The following LAMA5 variants were observed in gnomAD, a reference collection of about 807,000 sequenced individuals.
The protein encoded by LAMA5 is laminin subunit alpha-5.
LAMA5 carries 260 observed loss-of-function variants against 433.4 expected under a neutral mutation model. The observed-to-expected ratio is 0.60, with a 90% CI of 0.54 to 0.66. The LOEUF is 0.66. LAMA5 is among the 30% of genes least tolerant of loss of function. The probability of loss-of-function intolerance (pLI) is 0.00; values close to 1 mark genes in which losing one functional copy is unlikely to be tolerated. For synonymous variants in LAMA5, 2,620 were observed against 2,226.6 expected, an observed-to-expected ratio of 1.18 and a Z score of -4.97; for missense variants, 5,378 against 5,258.5, an observed-to-expected ratio of 1.02 and a Z score of -0.70.
chr20:62,314,915 G>C lies in LAMA5; in HGVS notation c.8080C>G (p.Leu2694Val). ...STLEKTLPQL[L>V]AKLSILENRG... ...TTCTCCAGGATGCTCAGCTTGGCCAGCAGCTGGGGCAGCGTCTTCTCCAGG... is the reference window on the plus strand; with the variant it reads ...TTCTCCAGGATGCTCAGCTTGGCCACCAGCTGGGGCAGCGTCTTCTCCAGG... The change falls in exon 60 of 80, where the codon CTG (leucine) becomes GTG (valine). Residue 2694 changes from leucine (L) to valine (V), a missense_variant. By Grantham distance (32) the Leu-to-Val change is conservative. Coordinates refer to ENST00000252999, the MANE Select transcript of LAMA5 (RefSeq NM_005560.6). 6.2e-7 allele frequency: 1 copy of C among 1,606,720 alleles called. No individual in the cohort carries two copies. The highest frequency in any genetic ancestry group is 8.5e-7 in the Non-Finnish European group (1 of 1,178,654).
intron 11 of LAMA5, among the ~76,000 whole-genome samples, chr20:62,344,596 G>A (rs6142736): frequency 0.23 from 35,160 of 151,824 alleles, 4,251 homozygotes; most frequent in African/African-American, 0.28. Context: ...TTACAGGCAC[G>A]CACCACCACG....
chr20:62,312,790 C>T lies in LAMA5; in HGVS notation c.9079-10G>A, dbSNP rs1986458024. ...GCAGGAACACCTGGATCTACAGGAC[C>T]AGTGGGGGCTCCAGGGCCAGCTGTG... On this transcript the variant is annotated splice_polypyrimidine_tract_variant and intron_variant, in intron 66 of 79. Transcript: ENST00000252999. 1 of 1,594,096 alleles carries T rather than the reference C, an allele frequency of 6.3e-7. No individual in the cohort carries two copies.
chr20:62,334,730 G>GTCAGCGC, intron 20 of LAMA5, 109 bp from the exon 21 acceptor site: 1 of 610,802 alleles, frequency 1.6e-6, no homozygotes, highest in South Asian at 2.0e-5. Context: ...ATGATGGAGA[G>GTCAGCGC]TCAGGGCTCA....
intron 11 of LAMA5, 168 bp downstream of exon 11, chr20:62,345,650 A>G (rs1321458959): frequency 1.6e-6 from 1 of 641,948 alleles, no homozygotes; most frequent in Non-Finnish European, 2.8e-6. Context: ...ATGCTGACCT[A>G]TATTTCCGAA....
Position 62,333,614 on chromosome 20 carries a change from G to C in LAMA5, c.2971C>G (p.Leu991Val). The C allele has an allele frequency of 1.3e-6, 2 of 1,577,692 alleles. No homozygotes were observed. Among genetic ancestry groups the C allele is most frequent in the Non-Finnish European group, 1.7e-6 (2 of 1,162,356 alleles). The change falls in exon 24 of 80, where the codon CTG becomes GTG. Residue 991 changes from leucine (L) to valine (V), a missense_variant. Transcript: ENST00000252999. ...PQRGFGEPFVLNPGTWALRVE... is the reference protein window; with the variant it reads ...PQRGFGEPFVVNPGTWALRVE... The stretch of plus-strand genomic sequence containing the variant: ...CGCAGGGCCCAGGTGCCAGGGTTCA[G>C]CACAAAGGGCTCTCCGAAGCCCCTC...
rs773400219 is a variant in LAMA5 at position 62,330,609 on chromosome 20, G to A, written c.3858C>T (p.Thr1286=). The A allele has an allele frequency of 5.3e-5, 85 of 1,591,098 alleles. 1 individual carries two copies. The East Asian group carries it at 1.1e-3, about 21-fold the overall frequency. ...TGGGCACATGGGTGGTGAAGACCAC[G>A]GTGGCCTGCAGGGATAGGCCCTAGT... ...EPTLLREPQA[T]VVFTTHVPTL... The change falls in exon 31 of 80, where the codon ACC becomes ACT. Residue 1286 remains threonine, a synonymous_variant. Transcript: ENST00000252999.
intron 1 of LAMA5, among the ~76,000 whole-genome samples, 181 bp downstream of exon 1, chr20:62,366,768 C>A (rs1246271425): frequency 6.6e-6 from 1 of 152,220 alleles, no homozygotes; most frequent in Admixed American, 6.5e-5. Context: ...CGGAGGGACG[C>A]GAAGTTTCCC....
intron 53 of LAMA5, 36 bp from the exon 54 acceptor site, chr20:62,317,814 G>A (rs760071302): frequency 2.0e-5 from 24 of 1,205,838 alleles, no homozygotes; most frequent in African/African-American, 8.4e-5. Flanking sequence ...GACAATGAGG[G>A]GTAAGAAAAG....
chr20:62,363,143 C>G (rs938796033), intron 1 of LAMA5, among the ~76,000 whole-genome samples: 3 of 152,198 alleles, frequency 2.0e-5, no homozygotes, highest in Non-Finnish European at 4.4e-5. Context: ...CAGACCCCCC[C>G]CCACCTCCAG....
At chr20:62,319,256 C>A (rs755347107) in intron 51 of LAMA5, 42 of 557,324 alleles carry the variant, frequency 7.5e-5, no homozygotes, top group Non-Finnish European at 1.3e-4. Flanking sequence ...GCTTCTGAGC[C>A]TTCTCGTCCT....
At chr20:62,354,866 G>C (rs748449767) in intron 2 of LAMA5, among the ~76,000 whole-genome samples, 2 of 152,184 alleles carry the variant, frequency 1.3e-5, no homozygotes, top group Non-Finnish European at 2.9e-5. Flanking sequence ...TCAAACAAAG[G>C]GGAAAGGGCT....
At chr20:62,366,901 G>T in intron 1 of LAMA5, 48 bp downstream of exon 1, 1 of 1,238,048 alleles carries the variant, frequency 8.1e-7, no homozygotes, top group Non-Finnish European at 1.0e-6. Flanking sequence ...CGGTGTTCCG[G>T]GTCCGAGTGC....
chr20:62,357,269 C>A (rs1206947428), intron 2 of LAMA5, among the ~76,000 whole-genome samples: 1 of 152,202 alleles, frequency 6.6e-6, no homozygotes, highest in South Asian at 2.1e-4. Context: ...TGTGACTCAG[C>A]CCCCGCCCTG....
intron 58 of LAMA5, among the ~76,000 whole-genome samples, chr20:62,315,620 T>G (rs1986854898): frequency 6.6e-6 from 1 of 152,142 alleles, no homozygotes; most frequent in Admixed American, 6.5e-5. Flanking sequence ...GCCCCTTGGT[T>G]CCAGCCACGC....
intron 2 of LAMA5, among the ~76,000 whole-genome samples, chr20:62,356,651 G>T (rs13043931): frequency 2.0e-5 from 3 of 151,886 alleles, no homozygotes; most frequent in African/African-American, 2.4e-5. Flanking sequence ...TGCCTCACAG[G>T]GGGTGGGCAA....
chr20:62,343,207 T>C (rs1982860335), intron 11 of LAMA5, among the ~76,000 whole-genome samples: 2 of 152,214 alleles, frequency 1.3e-5, no homozygotes, highest in South Asian at 4.1e-4. Context: ...CTATGACATT[T>C]ACCGTCTGGG....
At chr20:62,360,086 C>T (rs1175499231) in intron 2 of LAMA5, among the ~76,000 whole-genome samples, 1 of 151,186 alleles carries the variant, frequency 6.6e-6, no homozygotes, top group East Asian at 2.0e-4. Context: ...CCCTGAAGCC[C>T]AGGAAGGACA....
chr20:62,333,069 G>A (rs1395543593), intron 26 of LAMA5, 21 bp downstream of exon 26: 45 of 1,477,940 alleles, frequency 3.0e-5, no homozygotes, highest in Admixed American at 8.0e-5. Context: ...CCATTGCTCC[G>A]TGGGGTCCCA....
chr20:62,363,425 G>A (rs888231992), intron 1 of LAMA5, among the ~76,000 whole-genome samples: 1 of 152,178 alleles, frequency 6.6e-6, no homozygotes, highest in Admixed American at 6.5e-5. Flanking sequence ...AGCCGCTTCT[G>A]TCCCGGGCCT....
Sources: gnomAD v4.1 joint callset for allele counts (sites outside exome capture counted in the v4.1 genomes callset) on GRCh38, gnomAD v4.1.1 for gene constraint, MANE v1.5 for transcripts, NCBI Gene and HGNC (gene_info 2026-07-23, HGNC 2026-07-21) for gene names.